The following CCR3 variants were observed in gnomAD, a reference collection of about 807,000 sequenced individuals.
The protein encoded by CCR3 is C-C chemokine receptor type 3.
For missense variants in CCR3, 419 were observed against 437.5 expected (o/e 0.96, Z 0.38); for synonymous variants, 203 against 179.2 (o/e 1.13, Z -1.06).
intron 1 of CCR3, chr3:46,264,354 G>A (rs1172416534): frequency 1.7e-6 from 2 of 1,177,614 alleles, no homozygotes; most frequent in African/African-American, 1.5e-5. Context: ...GATTGTACAT[G>A]TGTAACAGAC....
intron 2 of CCR3, among the ~76,000 whole-genome samples, chr3:46,215,361 G>A (rs1402210825): frequency 2.5e-4 from 38 of 152,156 alleles, no homozygotes; most frequent in Non-Finnish European, 1.5e-5. Flanking sequence ...CTGGGAGCTT[G>A]GTGGAAATGA....
chr3:46,256,951 GCACA>G (rs34816775), intron 1 of CCR3, among the ~76,000 whole-genome samples: 4 of 150,300 alleles, frequency 2.7e-5, no homozygotes, highest in Non-Finnish European at 5.9e-5. Context: ...TCACATTTGT[GCACA>G]CACACACACA....
intron 1 of CCR3, among the ~76,000 whole-genome samples, chr3:46,244,510 G>T (rs1024544708): frequency 6.6e-6 from 1 of 152,178 alleles, no homozygotes; most frequent in African/African-American, 2.4e-5. Context: ...TATAGGATTT[G>T]GGTAGATAAA....
At chr3:46,244,026 G>GTA (rs1700145876) in intron 1 of CCR3, among the ~76,000 whole-genome samples, 1 of 152,140 alleles carries the variant, frequency 6.6e-6, no homozygotes, top group Non-Finnish European at 1.5e-5. Context: ...AGTGCCAAGA[G>GTA]TATATATATT....
chr3:46,214,996 G>A (rs576575472), intron 2 of CCR3, among the ~76,000 whole-genome samples: 28 of 152,280 alleles, frequency 1.8e-4, no homozygotes, highest in African/African-American at 6.5e-4. Context: ...GGTGCCAAGA[G>A]CTGCCAACTA....
intron 2 of CCR3, among the ~76,000 whole-genome samples, chr3:46,237,330 T>C (rs1481545782): frequency 6.6e-6 from 1 of 152,230 alleles, no homozygotes; most frequent in Non-Finnish European, 1.5e-5. Context: ...TTGTACATAT[T>C]CTGGATATTA....
intron 1 of CCR3, among the ~76,000 whole-genome samples, chr3:46,244,123 A>G (rs1368965266): frequency 6.6e-6 from 1 of 152,254 alleles, no homozygotes; most frequent in Admixed American, 6.5e-5. Flanking sequence ...TTTGTGTAAT[A>G]TACCTTAAGG....
At chr3:46,247,076 T>A (rs1254598258) in intron 1 of CCR3, among the ~76,000 whole-genome samples, 6 of 152,066 alleles carry the variant, frequency 3.9e-5, no homozygotes, top group Non-Finnish European at 7.4e-5. Flanking sequence ...GACATCTGAT[T>A]AGAGAGTGCC....
chr3:46,224,992 G>A (rs1699878268), intron 2 of CCR3, among the ~76,000 whole-genome samples: 1 of 152,116 alleles, frequency 6.6e-6, no homozygotes, highest in African/African-American at 2.4e-5. Flanking sequence ...GTTCAAGAAT[G>A]TTGTTAGTAA....
chr3:46,211,197 CTTTTTT>C (rs757345795), intron 2 of CCR3, among the ~76,000 whole-genome samples: 1 of 128,596 alleles, frequency 7.8e-6, no homozygotes, highest in Admixed American at 7.8e-5. Context: ...TGAGAATTTA[CTTTTTT>C]TTTTTTTTTT....
At chr3:46,259,799 ATCAT>A (rs1700489659) in intron 1 of CCR3, among the ~76,000 whole-genome samples, 1 of 152,236 alleles carries the variant, frequency 6.6e-6, no homozygotes. Context: ...ATTAAATAGG[ATCAT>A]AGTTCACTGT....
rs145680012 is a variant in CCR3, at chr3:46,213,993, A to C, written c.-68+3086A>C. Among the ~76,000 whole-genome samples, 5 of 152,304 alleles carry C rather than the reference A, an allele frequency of 3.3e-5. No individual in the cohort carries two copies. The East Asian group carries it at 9.7e-4, about 29-fold the overall frequency. On this transcript the variant is annotated intron_variant, in intron 2 of 3. Transcript: ENST00000357422. ...CAAAATTTTGGTCCTAGTTAGATCC[A>C]GCTCCCCCACTTGCATCTGTGAAGT...
At chr3:46,264,846 G>C in intron 1 of CCR3, 1 of 408,638 alleles carries the variant, frequency 2.4e-6, no homozygotes, top group South Asian at 4.0e-5. Flanking sequence ...GTTTTTTCCT[G>C]TTTTGTATTT....
chr3:46,264,269 C>T (rs1427062017), intron 1 of CCR3: 1 of 742,234 alleles, frequency 1.3e-6, no homozygotes, highest in Non-Finnish European at 2.3e-6. Flanking sequence ...CTCAGCATCA[C>T]CAGGGGCAAG....
At chr3:46,262,604 T>A (rs1700546519) in intron 1 of CCR3, among the ~76,000 whole-genome samples, 1 of 151,774 alleles carries the variant, frequency 6.6e-6, no homozygotes, top group African/African-American at 2.4e-5. Context: ...TGAGACTGGG[T>A]AGACAGGTGA....
At position 46,230,577 on chromosome 3, in the gene CCR3, G is replaced by C. The variant is rs573156799; in HGVS notation, c.-67-11825G>C. On this transcript the variant is annotated intron_variant, in intron 2 of 3. Coordinates refer to the CCR3 transcript ENST00000357422. ...CGTTGCTTAACAAACTCACCTCAGT[G>C]CCTCCTCTGTGAACTGGTAAAAAGA... Among the ~76,000 whole-genome samples, 9 of 152,210 alleles carry C rather than the reference G, an allele frequency of 5.9e-5. No homozygotes were observed. In the South Asian group the frequency reaches 1.0e-3, roughly 18 times the overall value.
At chr3:46,252,931 A>G (rs1700345646) in intron 1 of CCR3, among the ~76,000 whole-genome samples, 1 of 151,844 alleles carries the variant, frequency 6.6e-6, no homozygotes, top group Admixed American at 6.6e-5. Context: ...AAAAAAAAAA[A>G]GTTCAAATTT....
At chr3:46,230,761 G>A (rs1177646848) in intron 2 of CCR3, among the ~76,000 whole-genome samples, 2 of 152,040 alleles carry the variant, frequency 1.3e-5, no homozygotes, top group Non-Finnish European at 2.9e-5. Flanking sequence ...ATGAGCCTGG[G>A]TGCATTAAAG....
chr3:46,238,755 G>A (rs41418050), upstream of CCR3, among the ~76,000 whole-genome samples: 1 of 151,958 alleles, frequency 6.6e-6, no homozygotes, highest in Non-Finnish European at 1.5e-5. Flanking sequence ...AAAGTGGGGG[G>A]ACCTGAGGGA....
Sources: allele counts gnomAD v4.1 joint callset (sites outside exome capture counted in the v4.1 genomes callset), GRCh38; gene constraint gnomAD v4.1.1; transcripts MANE v1.5; gene names NCBI Gene and HGNC (gene_info 2026-07-23, HGNC 2026-07-21).